IL6R: variants seen among roughly 807,000 people sequenced by gnomAD.
IL6R encodes the protein interleukin 6 receptor, also known as interleukin-6 receptor subunit alpha.
A neutral mutation model predicts 48.3 loss-of-function variants in IL6R; 38 were observed. That is an observed-to-expected ratio of 0.79 (90% CI 0.61 to 1.03). IL6R has a LOEUF of 1.03. IL6R is among the 50% of genes least tolerant of loss of function. The pLI, the probability that IL6R is intolerant of heterozygous loss-of-function variation, is 0.00. For synonymous variants in IL6R, 264 were observed against 256.2 expected, an observed-to-expected ratio of 1.03 and a Z score of -0.29; for missense variants, 534 against 618.3, an observed-to-expected ratio of 0.86 and a Z score of 1.45.
At chr1:154,464,019 G>A in intron 9 of IL6R, among the ~76,000 whole-genome samples, 1 of 152,144 alleles carries the variant, frequency 6.6e-6, no homozygotes, top group Non-Finnish European at 1.5e-5. Context: ...AGGCAGTTGA[G>A]GGAGCAGTGG....
At position 154,454,344 on chromosome 1, in the gene IL6R, T is replaced by C. The variant is rs1690751492; in HGVS notation, c.1067-144T>C. The stretch of plus-strand genomic sequence containing the variant: ...AATGGCCTGTTGGTTGGCAGAGCTG[T>C]TTCATTTTCTGGGAGGGGGGTTGGA... On this transcript the variant is annotated intron_variant, in intron 8 of 9. Transcript: ENST00000368485. 6.4e-6 allele frequency: 4 copies of C among 621,118 alleles called. No individual in the cohort carries two copies. In the Admixed American group the frequency reaches 1.1e-4, roughly 17 times the overall value. The allele number at this position is 621,118 out of a possible 1,614,324, so 38.5% of individuals were successfully genotyped here.
chr1:154,414,685 A>C lies in IL6R; in HGVS notation c.85+8971A>C, dbSNP rs546581130. On this transcript the variant is annotated intron_variant, in intron 1 of 9. Transcript: ENST00000368485. Reference sequence around the variant, plus strand: ...GAGGATGTTACCCTTGGCCAGGAACACTTTGTTGTAGCTGCCCTCCATTAG... The same window carrying C: ...GAGGATGTTACCCTTGGCCAGGAACCCTTTGTTGTAGCTGCCCTCCATTAG... The C allele has an allele frequency of 3.5e-6, 3 of 854,884 alleles. No homozygotes were observed. The South Asian group carries it at 4.2e-5, about 12-fold the overall frequency. 53.0% of individuals were successfully genotyped at this position (854,884 alleles called of 1,614,324 possible).
At chr1:154,460,280 C>T (rs1691170756) in intron 9 of IL6R, among the ~76,000 whole-genome samples, 2 of 152,224 alleles carry the variant, frequency 1.3e-5, no homozygotes, top group Non-Finnish European at 2.9e-5. Context: ...GCCCTGCTCA[C>T]ACCCATCCAG....
chr1:154,412,762 A>G (rs1365558961), intron 1 of IL6R, among the ~76,000 whole-genome samples: 1 of 152,086 alleles, frequency 6.6e-6, no homozygotes, highest in Admixed American at 6.5e-5. Flanking sequence ...TGAAGTACCT[A>G]TGGTTATTAT....
chr1:154,452,574 T>G (rs1690645609), intron 8 of IL6R, among the ~76,000 whole-genome samples: 1 of 152,234 alleles, frequency 6.6e-6, no homozygotes, highest in Non-Finnish European at 1.5e-5. Context: ...GGCTCACGCC[T>G]GTAATCCCAG....
chr1:154,460,969 G>A (rs1452371967), intron 9 of IL6R, among the ~76,000 whole-genome samples: 3 of 152,246 alleles, frequency 2.0e-5, no homozygotes, highest in South Asian at 2.1e-4. Context: ...TGGGCTCGCT[G>A]ATATTTTTTG....
rs778246283 is a variant in IL6R at position 154,447,556 on chromosome 1, CAT to C, written c.950-557_950-556del. Among the ~76,000 whole-genome samples the C allele has an allele frequency of 1.2e-4, 16 of 135,676 alleles. 1 individual carries two copies. Among genetic ancestry groups the C allele is most frequent in the Middle Eastern group, 3.7e-3 (1 of 270 alleles). 89.0% of individuals were successfully genotyped at this position (135,676 alleles called of 152,430 possible). A position where few individuals can be genotyped will look rare whatever the true frequency, so the allele number is the denominator to read the frequency against. ...ACACATACATATATATACACATACA[CAT>C]ATATATATATACACATACATATATA... is the stretch of plus-strand genomic sequence containing the variant. On this transcript the variant is annotated intron_variant, in intron 6 of 9. Transcript: ENST00000368485.
intron 3 of IL6R, among the ~76,000 whole-genome samples, chr1:154,431,015 C>T (rs1689265221): frequency 6.6e-6 from 1 of 152,210 alleles, no homozygotes; most frequent in Non-Finnish European, 1.5e-5. Context: ...GAAAAACATG[C>T]AAATATCCCT....
chr1:154,452,771 C>T (rs553980534), intron 8 of IL6R, among the ~76,000 whole-genome samples: 1 of 149,634 alleles, frequency 6.7e-6, no homozygotes, highest in South Asian at 2.1e-4. Context: ...GCGGAGGTTG[C>T]AGTGAGCCGA....
At chr1:154,458,962 A>G (rs539542548) in intron 9 of IL6R, among the ~76,000 whole-genome samples, 3 of 152,214 alleles carry the variant, frequency 2.0e-5, no homozygotes, top group East Asian at 3.9e-4. Flanking sequence ...TGCTATTTCT[A>G]TAGGGCCTTA....
At chr1:154,461,755 C>A (rs2149276743) in intron 9 of IL6R, among the ~76,000 whole-genome samples, 1 of 152,194 alleles carries the variant, frequency 6.6e-6, no homozygotes, top group South Asian at 2.1e-4. Context: ...ATCCTCTGCC[C>A]ACACCTCAAA....
chr1:154,437,988 A>G (rs1466668060), intron 6 of IL6R, among the ~76,000 whole-genome samples: 1 of 151,946 alleles, frequency 6.6e-6, no homozygotes, highest in African/African-American at 2.4e-5. Context: ...TGCTGGGATT[A>G]CAGGTGTGAG....
At chr1:154,453,152 C>T (rs935290569) in intron 8 of IL6R, among the ~76,000 whole-genome samples, 20 of 152,030 alleles carry the variant, frequency 1.3e-4, no homozygotes, top group Admixed American at 2.0e-4. Context: ...CTGCAGTGAG[C>T]GGAGATCACA....
intron 1 of IL6R, among the ~76,000 whole-genome samples, chr1:154,417,317 C>T (rs1688410432): frequency 6.6e-6 from 1 of 152,186 alleles, no homozygotes; most frequent in Admixed American, 6.6e-5. Context: ...TTCTCCTCAT[C>T]CACCAAAATG....
At position 154,434,196 on chromosome 1, in the gene IL6R, G is replaced by A. The variant is rs144157865; in HGVS notation, c.459-323G>A. The stretch of plus-strand genomic sequence containing the variant: ...AAAAATACAAAAATTTGCTGGGCAC[G>A]CTCAGGAGGCTGAGGCAGGAGAATC... On this transcript the variant is annotated intron_variant, in intron 3 of 9. Coordinates refer to ENST00000368485, the MANE Select transcript of IL6R (RefSeq NM_000565.4). Among the ~76,000 whole-genome samples, 65 of 151,942 alleles carry A rather than the reference G, an allele frequency of 4.3e-4. No homozygotes were observed. The East Asian group carries it at 0.012, about 27-fold the overall frequency.
intron 3 of IL6R, among the ~76,000 whole-genome samples, chr1:154,434,130 C>T (rs1318575978): frequency 6.6e-6 from 1 of 151,812 alleles, no homozygotes; most frequent in African/African-American, 2.4e-5. Context: ...GTCAGCAGTT[C>T]GAGACCAGCC....
chr1:154,437,417 AT>A (rs71586015), intron 6 of IL6R: 7,224 of 318,836 alleles, frequency 0.023, no homozygotes, highest in South Asian at 0.043. Flanking sequence ...TTTAACTTAA[AT>A]TTTTTTTTTT....
intron 9 of IL6R, among the ~76,000 whole-genome samples, chr1:154,457,083 G>T (rs1690926564): frequency 6.6e-6 from 1 of 151,994 alleles, no homozygotes; most frequent in Admixed American, 6.6e-5. Flanking sequence ...AACACTTTGG[G>T]AGGCCGAGGC....
At position 154,467,337 on chromosome 1, in the gene IL6R, G is replaced by T. The variant is rs1461036172; in HGVS notation, c.*1957G>T. 1.3e-5 allele frequency: 2 copies of T among 152,186 alleles called. No homozygotes were observed. Among genetic ancestry groups the T allele is most frequent in the Non-Finnish European group, 2.9e-5 (2 of 68,042 alleles). 9.4% of individuals were successfully genotyped at this position (152,186 alleles called of 1,614,324 possible). On this transcript the variant is annotated 3_prime_UTR_variant, in exon 10 of 10. Transcript: ENST00000368485. Reference sequence around the variant, plus strand: ...CCCAGTTAGCTCTCAAGTTATCAGGGTATTCCAGAGTGGGGATATGATTTA... The same window carrying T: ...CCCAGTTAGCTCTCAAGTTATCAGGTTATTCCAGAGTGGGGATATGATTTA...
Sources: gnomAD v4.1 joint callset for allele counts (sites outside exome capture counted in the v4.1 genomes callset) on GRCh38, gnomAD v4.1.1 for gene constraint, MANE v1.5 for transcripts, NCBI Gene and HGNC (gene_info 2026-07-23, HGNC 2026-07-21) for gene names.